Variants in ZNF385D observed in about 807,000 individuals in gnomAD.
The protein encoded by ZNF385D is zinc finger protein 385D.
In ZNF385D, 15 loss-of-function variants were observed where a neutral mutation model predicts 35.8. The ratio of observed to expected loss-of-function variants is 0.42; its 90% CI spans 0.28 to 0.64. ZNF385D has a LOEUF of 0.64. Among genes scored for constraint, ZNF385D ranks in the 30% least tolerant of loss-of-function variants. The probability of loss-of-function intolerance (pLI) is 0.23; values close to 1 mark genes in which losing one functional copy is unlikely to be tolerated. For synonymous variants in ZNF385D, 212 were observed against 186.8 expected, an observed-to-expected ratio of 1.13 and a Z score of -1.10; for missense variants, 474 against 494.6, an observed-to-expected ratio of 0.96 and a Z score of 0.39.
chr3:22,171,066 T>A (rs1325961003), intron 2 of ZNF385D, among the ~76,000 whole-genome samples: 1 of 152,222 alleles, frequency 6.6e-6, no homozygotes, highest in Admixed American at 6.5e-5. Context: ...CTTGGTTTCC[T>A]TTAGCATTTC....
At chr3:22,009,389 C>G (rs1258642556) in intron 3 of ZNF385D, among the ~76,000 whole-genome samples, 1 of 151,804 alleles carries the variant, frequency 6.6e-6, no homozygotes, top group Non-Finnish European at 1.5e-5. Flanking sequence ...TTTGGGAGGC[C>G]AAGTCAGGCA....
intron 2 of ZNF385D, among the ~76,000 whole-genome samples, chr3:22,278,462 T>A (rs1701546741): frequency 6.6e-6 from 1 of 152,150 alleles, no homozygotes; most frequent in South Asian, 2.1e-4. Flanking sequence ...TTCTGCTCAC[T>A]CTCTTTTCTG....
At chr3:22,262,337 G>A (rs1160237948) in intron 2 of ZNF385D, among the ~76,000 whole-genome samples, 2 of 151,924 alleles carry the variant, frequency 1.3e-5, no homozygotes, top group African/African-American at 4.8e-5. Flanking sequence ...AACACACATG[G>A]AAGAATGGGT....
chr3:22,000,304 C>CAAAA (rs35298204), intron 3 of ZNF385D, among the ~76,000 whole-genome samples: 1 of 147,484 alleles, frequency 6.8e-6, no homozygotes, highest in Non-Finnish European at 1.5e-5. Flanking sequence ...GACTCCATCT[C>CAAAA]AAAAAAAAAA....
chr3:22,281,928 G>C (rs755214096), intron 2 of ZNF385D, among the ~76,000 whole-genome samples: 61 of 152,056 alleles, frequency 4.0e-4, no homozygotes, highest in Non-Finnish European at 1.9e-4. Context: ...CTTGCTGCTT[G>C]TTATTGGTCT....
At chr3:21,715,135 C>T (rs766510576) in intron 1 of ZNF385D, among the ~76,000 whole-genome samples, 10 of 152,006 alleles carry the variant, frequency 6.6e-5, no homozygotes, top group Non-Finnish European at 1.0e-4. Flanking sequence ...GGGGTACAAG[C>T]GCAATTTTGT....
chr3:22,205,538 A>G (rs1298007524), intron 2 of ZNF385D, among the ~76,000 whole-genome samples: 5 of 152,000 alleles, frequency 3.3e-5, no homozygotes, highest in African/African-American at 1.2e-4. Flanking sequence ...AGATGAAAAG[A>G]CAAACTGATC....
At chr3:22,271,844 G>A (rs1701194129) in intron 2 of ZNF385D, among the ~76,000 whole-genome samples, 1 of 151,778 alleles carries the variant, frequency 6.6e-6, no homozygotes, top group Non-Finnish European at 1.5e-5. Flanking sequence ...GATGGTCCCT[G>A]GCTTACAATG....
chr3:21,618,425 C>T (rs988926140), intron 2 of ZNF385D, among the ~76,000 whole-genome samples: 2 of 152,138 alleles, frequency 1.3e-5, no homozygotes, highest in African/African-American at 4.8e-5. Context: ...TCTTGCCATA[C>T]CCAGTGTTGG....
At chr3:21,730,333 A>G (rs2068938531) in intron 1 of ZNF385D, among the ~76,000 whole-genome samples, 1 of 152,256 alleles carries the variant, frequency 6.6e-6, no homozygotes, top group South Asian at 2.1e-4. Context: ...GACGATGCCC[A>G]ACTATGCTCT....
At chr3:22,313,426 A>T (rs930470284) in intron 2 of ZNF385D, among the ~76,000 whole-genome samples, 1 of 152,198 alleles carries the variant, frequency 6.6e-6, no homozygotes, top group African/African-American at 2.4e-5. Context: ...AGATGTAGAT[A>T]TAACATTTTT....
intron 3 of ZNF385D, among the ~76,000 whole-genome samples, chr3:22,068,581 A>G (rs1700080481): frequency 6.6e-6 from 1 of 152,144 alleles, no homozygotes; most frequent in Non-Finnish European, 1.5e-5. Flanking sequence ...CTGGCTTCCT[A>G]CAGGTTCAAC....
At chr3:22,065,706 T>C (rs944879008) in intron 3 of ZNF385D, among the ~76,000 whole-genome samples, 2 of 152,046 alleles carry the variant, frequency 1.3e-5, no homozygotes, top group Admixed American at 6.6e-5. Flanking sequence ...TGTGGGGGAA[T>C]GGTATTCTCA....
intron 3 of ZNF385D, among the ~76,000 whole-genome samples, chr3:21,803,454 C>G (rs1183495396): frequency 6.6e-6 from 1 of 152,070 alleles, no homozygotes; most frequent in East Asian, 1.9e-4. Context: ...TTTTAAATAA[C>G]TGCAAACTAA....
At chr3:21,696,375 G>A (rs149798855) in intron 1 of ZNF385D, among the ~76,000 whole-genome samples, 5 of 152,258 alleles carry the variant, frequency 3.3e-5, no homozygotes, top group South Asian at 2.1e-4. Context: ...GCATGCTGGC[G>A]ATAATCCCTG....
At chr3:21,567,662 G>A (rs1050146560) in intron 2 of ZNF385D, among the ~76,000 whole-genome samples, 1 of 152,142 alleles carries the variant, frequency 6.6e-6, no homozygotes, top group African/African-American at 2.4e-5. Flanking sequence ...AACGGGATGT[G>A]TTTCTATCGG....
intron 3 of ZNF385D, among the ~76,000 whole-genome samples, chr3:22,152,174 T>C (rs1309575546): frequency 3.9e-5 from 6 of 152,150 alleles, no homozygotes; most frequent in East Asian, 1.9e-4. Context: ...TTCTTGCAAA[T>C]GATATGATCT....
At chr3:22,076,742 CAATTACTCT>C (rs1700484629) in intron 3 of ZNF385D, among the ~76,000 whole-genome samples, 1 of 151,784 alleles carries the variant, frequency 6.6e-6, no homozygotes, top group Non-Finnish European at 1.5e-5. Context: ...GATTGTGCAC[CAATTACTCT>C]TCTGTCTCTA....
intron 1 of ZNF385D, among the ~76,000 whole-genome samples, chr3:21,739,672 A>G (rs904986884): frequency 9.2e-5 from 14 of 152,304 alleles, no homozygotes; most frequent in African/African-American, 2.6e-4. Context: ...CATCATAACA[A>G]GGGCAGGAGA....
Sources: gnomAD v4.1 joint callset for allele counts (sites outside exome capture counted in the v4.1 genomes callset) on GRCh38, gnomAD v4.1.1 for gene constraint, MANE v1.5 for transcripts, NCBI Gene and HGNC (gene_info 2026-07-23, HGNC 2026-07-21) for gene names.